FRAS1: variants seen among roughly 807,000 people sequenced by gnomAD.
FRAS1 encodes the protein extracellular matrix organizing protein FRAS1.
In FRAS1, 290 loss-of-function variants were observed where a neutral mutation model predicts 435.2. That is an observed-to-expected ratio of 0.67 (90% CI 0.61 to 0.73). The LOEUF (loss-of-function observed/expected upper bound fraction) is 0.73. Ranked by LOEUF, FRAS1 falls within the 30% of genes least tolerant of loss-of-function variation. The pLI is 0.00. For missense variants in FRAS1, 4,860 were observed against 5,001.5 expected, an observed-to-expected ratio of 0.97 and a Z score of 0.85; for synonymous variants, 1,800 against 1,851.0, an observed-to-expected ratio of 0.97 and a Z score of 0.71.
At chr4:78,112,652 T>C (rs1473570111) in intron 2 of FRAS1, among the ~76,000 whole-genome samples, 2 of 152,064 alleles carry the variant, frequency 1.3e-5, no homozygotes, top group African/African-American at 4.8e-5. Context: ...ACTTATTTCT[T>C]AGTTAGTGCA....
chr4:78,135,445 A>C (rs758855061), intron 2 of FRAS1, among the ~76,000 whole-genome samples: 2 of 152,168 alleles, frequency 1.3e-5, no homozygotes, highest in South Asian at 4.1e-4. Context: ...TATTAATGAC[A>C]GTTACAAACT....
At chr4:78,143,535 C>G (rs1720278045) in intron 2 of FRAS1, among the ~76,000 whole-genome samples, 6 of 151,994 alleles carry the variant, frequency 3.9e-5, no homozygotes, top group Admixed American at 3.9e-4. Flanking sequence ...ACATTTCTTT[C>G]AAGTGCATGT....
At position 78,446,870 on chromosome 4, in the gene FRAS1, G is replaced by T. The variant is rs758458998; in HGVS notation, c.6000G>T (p.Lys2000Asn). The change falls in exon 43 of 74, where the codon AAG (lysine) becomes AAT (asparagine). Residue 2000 changes from lysine to asparagine, a missense_variant. By Grantham distance (94) the Lys-to-Asn change is moderately conservative. Coordinates refer to ENST00000512123, the MANE Select transcript of FRAS1 (RefSeq NM_025074.7). ...DNELIFVLTK[K>N]PDHGHVLWRQ... The stretch of plus-strand genomic sequence containing the variant: ...AGCTCATTTTTGTATTGACAAAAAA[G>T]CCTGACCACGGTAGGGCACGAACTG... The T allele has an allele frequency of 6.2e-7, 1 of 1,608,304 alleles. No individual in the cohort carries two copies. Among genetic ancestry groups the T allele is most frequent in the Non-Finnish European group, 8.5e-7 (1 of 1,177,286 alleles).
At chr4:78,077,569 C>G (rs879364461) in intron 2 of FRAS1, among the ~76,000 whole-genome samples, 3 of 151,366 alleles carry the variant, frequency 2.0e-5, no homozygotes, top group Non-Finnish European at 2.9e-5. Flanking sequence ...CTATTAAGTA[C>G]TTTCTCATCA....
chr4:78,519,161 G>A (rs1375643067), intron 66 of FRAS1, among the ~76,000 whole-genome samples, 170 bp from the exon 67 acceptor site: 1 of 150,410 alleles, frequency 6.6e-6, no homozygotes, highest in Non-Finnish European at 1.5e-5. Context: ...TATTCCATTA[G>A]TTCCTTTATT....
chr4:78,263,628 C>T (rs796214291), intron 6 of FRAS1, among the ~76,000 whole-genome samples: 13 of 152,294 alleles, frequency 8.5e-5, no homozygotes, highest in African/African-American at 2.9e-4. Flanking sequence ...AGCTAACCTT[C>T]ATTTTCTCAC....
At chr4:78,494,951 C>T (rs927984494) in intron 59 of FRAS1, among the ~76,000 whole-genome samples, 6 of 152,166 alleles carry the variant, frequency 3.9e-5, no homozygotes, top group Non-Finnish European at 7.3e-5. Context: ...CAGAATGTCA[C>T]TAGAAGTGCA....
At chr4:78,504,043 T>A (rs191338767) in intron 61 of FRAS1, among the ~76,000 whole-genome samples, 1 of 152,332 alleles carries the variant, frequency 6.6e-6, no homozygotes, top group East Asian at 1.9e-4. Flanking sequence ...GTTTAGTTAA[T>A]CCCGAGTGTT....
chr4:78,330,726 G>C (rs1458396551), intron 18 of FRAS1, among the ~76,000 whole-genome samples: 1 of 152,172 alleles, frequency 6.6e-6, no homozygotes, highest in Non-Finnish European at 1.5e-5. Context: ...TGGTCAGACT[G>C]GTTGATTGCA....
At chr4:78,528,067 G>A (rs1721599469) in intron 70 of FRAS1, among the ~76,000 whole-genome samples, 2 of 152,056 alleles carry the variant, frequency 1.3e-5, no homozygotes, top group Admixed American at 1.3e-4. Flanking sequence ...ATGACAAAGT[G>A]GATATCTGAT....
intron 3 of FRAS1, among the ~76,000 whole-genome samples, chr4:78,241,171 A>T (rs1042114212): frequency 6.6e-6 from 1 of 152,294 alleles, no homozygotes; most frequent in African/African-American, 2.4e-5. Context: ...GTGGGGCCTT[A>T]GGTAGGCAAC....
chr4:78,398,983 CA>C (rs59165330), intron 29 of FRAS1, among the ~76,000 whole-genome samples: 4 of 148,000 alleles, frequency 2.7e-5, no homozygotes, highest in Non-Finnish European at 6.0e-5. Flanking sequence ...AATTCTGTCT[CA>C]AAAAAAAAAC....
At chr4:78,482,602 A>G (rs1405674605) in intron 58 of FRAS1, 67 bp downstream of exon 58, 17 of 1,494,124 alleles carry the variant, frequency 1.1e-5, no homozygotes, top group African/African-American at 2.8e-5. Flanking sequence ...ACGTCCACAT[A>G]TGTGACATTG....
Position 78,451,843 on chromosome 4 carries a change from G to A in FRAS1, c.6535G>A (p.Gly2179Arg). 6.2e-7 allele frequency: 1 copy of A among 1,613,102 alleles called. No homozygotes were observed. The change falls in exon 46 of 74, where the codon GGA (glycine) becomes AGA (arginine). Residue 2179 changes from glycine (G) to arginine (R), a missense_variant. Physicochemically the swap from Gly to Arg is moderately radical, Grantham distance 125 (BLOSUM62 -2). Coordinates refer to ENST00000512123, the MANE Select transcript of FRAS1 (RefSeq NM_025074.7). Reference protein sequence around the residue: ...SFAFKFDVVDGEGNRLIDKSF... With the variant: ...SFAFKFDVVDREGNRLIDKSF... ...TGCTTTTAAATTTGATGTGGTTGAT[G>A]GAGAAGGCAACAGATTGATTGACAA...
chr4:78,487,091 A>G (rs1321443167), intron 58 of FRAS1, among the ~76,000 whole-genome samples: 1 of 152,102 alleles, frequency 6.6e-6, no homozygotes, highest in Non-Finnish European at 1.5e-5. Flanking sequence ...TTTCCCTGGC[A>G]ACAAGCTTCC....
intron 2 of FRAS1, among the ~76,000 whole-genome samples, chr4:78,085,718 G>A (rs1030956771): frequency 6.6e-6 from 1 of 152,070 alleles, no homozygotes; most frequent in Non-Finnish European, 1.5e-5. Context: ...TCAACAAGAC[G>A]AGCCAACTAT....
Position 78,057,374 on chromosome 4 carries a change from G to T in FRAS1, c.-636G>T, listed in dbSNP as rs1739510951. 6.6e-6 allele frequency among the ~76,000 whole-genome samples: 1 copy of T among 152,156 alleles called. No individual in the cohort carries two copies. Among genetic ancestry groups the T allele is most frequent in the Non-Finnish European group, 1.5e-5 (1 of 68,032 alleles). ...TGCTTCAGGGAGCGCAGCCTGAGGC[G>T]GTGTGGTGCGGTGCGGCTGCAGGGC... On this transcript the variant is annotated 5_prime_UTR_variant, in exon 1 of 74. Transcript: ENST00000512123. The surrounding 1 kb of genome is among the most constrained non-coding windows in gnomAD (Gnocchi z 4.2).
intron 2 of FRAS1, among the ~76,000 whole-genome samples, chr4:78,228,766 G>A (rs1724383764): frequency 6.6e-6 from 1 of 152,164 alleles, no homozygotes; most frequent in Non-Finnish European, 1.5e-5. Flanking sequence ...AACAGGCTTA[G>A]ATTGTGGCAA....
At chr4:78,371,712 T>C (rs1037981118) in intron 23 of FRAS1, among the ~76,000 whole-genome samples, 8 of 152,326 alleles carry the variant, frequency 5.3e-5, no homozygotes, top group East Asian at 3.9e-4. Flanking sequence ...AACTGTGCTA[T>C]CCCATCCCAT....
Sources: gnomAD v4.1 joint callset for allele counts (sites outside exome capture counted in the v4.1 genomes callset) on GRCh38, gnomAD v4.1.1 for gene constraint, Gnocchi (gnomAD v3.1) non-coding constraint, MANE v1.5 for transcripts, NCBI Gene and HGNC (gene_info 2026-07-23, HGNC 2026-07-21) for gene names.